Variants in EEPD1 observed in about 807,000 individuals in gnomAD.
EEPD1 encodes the protein endonuclease/exonuclease/phosphatase family domain containing 1, also known as endonuclease/exonuclease/phosphatase family domain-containing protein 1.
EEPD1 carries 17 observed loss-of-function variants against 46.3 expected under a neutral mutation model. The observed-to-expected ratio is 0.37, with a 90% CI of 0.25 to 0.55. The LOEUF is 0.55. EEPD1 is among the 20% of genes least tolerant of loss of function. The pLI is 0.83. For missense variants in EEPD1, 673 were observed against 745.6 expected (o/e 0.90, Z 1.13); for synonymous variants, 313 against 315.6 (o/e 0.99, Z 0.09).
rs922883205 is a variant in EEPD1 at position 36,225,374 on chromosome 7, G to A, written c.879-13611G>A. ...CACCCACATTCAGATTTTTGGCGTTGGTGATTATTGAAATCAGTGATCCGT... is the reference window on the plus strand; with the variant it reads ...CACCCACATTCAGATTTTTGGCGTTAGTGATTATTGAAATCAGTGATCCGT... On this transcript the variant is annotated intron_variant, in intron 2 of 7. Coordinates refer to ENST00000242108, the MANE Select transcript of EEPD1 (RefSeq NM_030636.3). This position sits in a 1 kb window ranked among gnomAD's most constrained non-coding sequence, Gnocchi z 4.2. 3.3e-5 allele frequency among the ~76,000 whole-genome samples: 5 copies of A among 152,128 alleles called. No individual in the cohort carries two copies. Among genetic ancestry groups the A allele is most frequent in the Non-Finnish European group, 5.9e-5 (4 of 68,034 alleles).
chr7:36,226,265 G>A (rs768022073), intron 2 of EEPD1, among the ~76,000 whole-genome samples: 4 of 152,156 alleles, frequency 2.6e-5, no homozygotes, highest in Non-Finnish European at 5.9e-5. Flanking sequence ...AAGTGTTAGT[G>A]GCTAAAGAAA....
intron 2 of EEPD1, among the ~76,000 whole-genome samples, chr7:36,187,057 G>A (rs1785370055): frequency 1.1e-5 from 1 of 89,314 alleles, no homozygotes; most frequent in South Asian, 4.9e-4. Context: ...TTCTTGGTTT[G>A]CATTGGCCGT....
intron 2 of EEPD1, among the ~76,000 whole-genome samples, chr7:36,207,271 T>C (rs1201322528): frequency 6.6e-6 from 1 of 152,052 alleles, no homozygotes; most frequent in Non-Finnish European, 1.5e-5. Context: ...CGGCAACACA[T>C]GAGAAACCTT....
intron 2 of EEPD1, among the ~76,000 whole-genome samples, chr7:36,224,868 A>C (rs1451275590): frequency 6.6e-6 from 1 of 152,120 alleles, no homozygotes; most frequent in Admixed American, 6.5e-5. Context: ...TGATTAAATT[A>C]AGGATCTTGA....
At chr7:36,208,635 C>T (rs1785867784) in intron 2 of EEPD1, among the ~76,000 whole-genome samples, 1 of 152,170 alleles carries the variant, frequency 6.6e-6, no homozygotes. Context: ...AGATGGGCCC[C>T]CTATCCCTCT....
intron 2 of EEPD1, among the ~76,000 whole-genome samples, chr7:36,217,920 C>T (rs1786059140): frequency 6.6e-6 from 1 of 152,158 alleles, no homozygotes; most frequent in Non-Finnish European, 1.5e-5. Context: ...ATCACAGACC[C>T]TGTATTGTGT....
chr7:36,170,324 G>A (rs530917522), intron 2 of EEPD1, among the ~76,000 whole-genome samples: 7 of 152,180 alleles, frequency 4.6e-5, no homozygotes, highest in East Asian at 1.9e-4. Flanking sequence ...CAGGAGAATC[G>A]CTTGAACCCG....
intron 2 of EEPD1, among the ~76,000 whole-genome samples, chr7:36,231,382 T>C (rs942810525): frequency 2.6e-5 from 4 of 152,326 alleles, no homozygotes; most frequent in African/African-American, 9.6e-5. Flanking sequence ...TTTTGTGTGA[T>C]TTGCCACTCT....
chr7:36,256,577 G>A (rs560705960), intron 3 of EEPD1, among the ~76,000 whole-genome samples: 11 of 152,260 alleles, frequency 7.2e-5, no homozygotes, highest in African/African-American at 2.6e-4. Flanking sequence ...ATTATGTAAT[G>A]CCCTTCTTTG....
intron 2 of EEPD1, among the ~76,000 whole-genome samples, chr7:36,172,140 C>T (rs9648428): frequency 0.17 from 26,301 of 152,062 alleles, 2,410 homozygotes; most frequent in African/African-American, 0.22. Context: ...TTTTTGTCCA[C>T]GATTCCTAGC....
chr7:36,264,924 AAC>A (rs1272113750), intron 3 of EEPD1, among the ~76,000 whole-genome samples: 12 of 142,042 alleles, frequency 8.4e-5, no homozygotes, highest in African/African-American at 3.1e-4. Flanking sequence ...AAAAAAAAAA[AAC>A]AAAAATCTGT....
chr7:36,273,323 T>C (rs187696638), intron 3 of EEPD1, among the ~76,000 whole-genome samples: 5 of 152,238 alleles, frequency 3.3e-5, no homozygotes, highest in South Asian at 2.1e-4. Context: ...GCCTGCCATA[T>C]CCTTGGTACT....
At chr7:36,262,609 T>C (rs954774222) in intron 3 of EEPD1, among the ~76,000 whole-genome samples, 5 of 152,310 alleles carry the variant, frequency 3.3e-5, no homozygotes, top group Middle Eastern at 3.4e-3. Context: ...ACTGTCCTCA[T>C]GCCCAGTGGT....
In EEPD1 at chr7:36,284,833, C is replaced by T. The variant is rs1231823761; in HGVS notation, c.1176+13C>T. On this transcript the variant is annotated intron_variant, in intron 5 of 7. Coordinates refer to ENST00000242108, the MANE Select transcript of EEPD1 (RefSeq NM_030636.3). Reference sequence around the variant, plus strand: ...CGGGAGGTTCAAGGTACCCGCTCCACGCCGTCTGTGACGTGGAATCTGCTT... The same window carrying T: ...CGGGAGGTTCAAGGTACCCGCTCCATGCCGTCTGTGACGTGGAATCTGCTT... 10 of 1,458,788 alleles carry T rather than the reference C, an allele frequency of 6.9e-6. No homozygotes were observed. Among genetic ancestry groups the T allele is most frequent in the Non-Finnish European group, 6.4e-6 (7 of 1,100,936 alleles). 90.4% of individuals were successfully genotyped at this position (1,458,788 alleles called of 1,614,324 possible).
intron 2 of EEPD1, among the ~76,000 whole-genome samples, chr7:36,198,015 A>G (rs1334657011): frequency 6.6e-6 from 1 of 152,242 alleles, no homozygotes; most frequent in African/African-American, 2.4e-5. Flanking sequence ...AGTTTGTTCC[A>G]ATACTACCTT....
chr7:36,299,374 GT>G lies in EEPD1; in HGVS notation c.*169del. 1.2e-6 allele frequency: 1 copy of G among 858,352 alleles called. No individual in the cohort carries two copies. The highest frequency in any genetic ancestry group is 1.7e-6 in the Non-Finnish European group (1 of 572,034). The allele number at this position is 858,352 out of a possible 1,614,324, so 53.2% of individuals were successfully genotyped here. On this transcript the variant is annotated 3_prime_UTR_variant, in exon 8 of 8. Transcript: ENST00000242108. ...CTCTGTGGACCATTCAGGACCTCCA[GT>G]GGGGGTGGCGTGCCAGGCGCGTACC...
At chr7:36,184,937 G>A (rs1466133652) in intron 2 of EEPD1, among the ~76,000 whole-genome samples, 1 of 152,172 alleles carries the variant, frequency 6.6e-6, no homozygotes, top group Non-Finnish European at 1.5e-5. Context: ...CACTGTGTTG[G>A]CCAGGGTGGT....
chr7:36,259,716 A>G lies in EEPD1; in HGVS notation c.930+20680A>G, dbSNP rs750045655. Among the ~76,000 whole-genome samples the G allele has an allele frequency of 9.2e-5, 14 of 151,960 alleles. No individual in the cohort carries two copies. The South Asian group carries it at 2.5e-3, about 27-fold the overall frequency. On this transcript the variant is annotated intron_variant, in intron 3 of 7. Transcript: ENST00000242108. ...CTTTTAGTAGAGACAGGGTTTCTCT[A>G]TGTTGCCCAGGCTGGTCTCAAACTC... is the stretch of plus-strand genomic sequence containing the variant.
intron 2 of EEPD1, among the ~76,000 whole-genome samples, chr7:36,206,702 A>G (rs1785823923): frequency 6.6e-6 from 1 of 152,222 alleles, no homozygotes; most frequent in Non-Finnish European, 1.5e-5. Flanking sequence ...TTACATTTTC[A>G]CAGGCCCTTC....
Sources: gnomAD v4.1 joint callset for allele counts (sites outside exome capture counted in the v4.1 genomes callset) on GRCh38, gnomAD v4.1.1 for gene constraint, Gnocchi (gnomAD v3.1) non-coding constraint, MANE v1.5 for transcripts, NCBI Gene and HGNC (gene_info 2026-07-23, HGNC 2026-07-21) for gene names.